The following ARFGEF3 variants were observed in gnomAD, a reference collection of about 807,000 sequenced individuals.
The protein encoded by ARFGEF3 is ARFGEF family member 3.
Under a neutral mutation model 221.7 loss-of-function variants are expected in ARFGEF3, and 96 were observed. The ratio of observed to expected loss-of-function variants is 0.43; its 90% confidence interval spans 0.37 to 0.51. The LOEUF is 0.51. Among genes scored for constraint, ARFGEF3 ranks in the 20% least tolerant of loss-of-function variants. ARFGEF3 has a pLI of 0.00. For missense variants in ARFGEF3, 2,410 were observed against 2,789.9 expected (o/e 0.86, Z 3.07); for synonymous variants, 1,145 against 1,126.8 (o/e 1.02, Z -0.32).
rs539082717 is a variant in ARFGEF3 at position 138,200,653 on chromosome 6, T to C, written c.138-6389T>C. Among the ~76,000 whole-genome samples, 3 of 152,250 alleles carry C rather than the reference T, an allele frequency of 2.0e-5. No individual in the cohort carries two copies. In the South Asian group the frequency reaches 6.2e-4, roughly 32 times the overall value. On this transcript the variant is annotated intron_variant, in intron 2 of 33. Transcript: ENST00000251691. ...GAGAATGAAACTGGATCCTCATCTC[T>C]CACCTTATACAAAAATCAACTCAAG...
chr6:138,265,135 C>T (rs552236087), intron 12 of ARFGEF3, among the ~76,000 whole-genome samples: 1 of 152,210 alleles, frequency 6.6e-6, no homozygotes, highest in South Asian at 2.1e-4. Context: ...GATCTCCTGA[C>T]CTTGTGATCC....
chr6:138,243,280 T>G (rs1778427407), intron 7 of ARFGEF3, among the ~76,000 whole-genome samples: 1 of 152,204 alleles, frequency 6.6e-6, no homozygotes, highest in African/African-American at 2.4e-5. Flanking sequence ...GTTAGTTACT[T>G]CATTCTCCAT....
At position 138,336,333 on chromosome 6, in the gene ARFGEF3, T is replaced by A. The variant is rs1238952463; in HGVS notation, c.6381T>A (p.Ile2127=). 1 of 1,605,488 alleles carries A rather than the reference T, an allele frequency of 6.2e-7. No individual in the cohort carries two copies. The highest frequency in any genetic ancestry group is 8.5e-7 in the Non-Finnish European group (1 of 1,176,372). The part of the protein sequence containing the change: ...TNMVLTVLNQ[I]QILPDQTFTA... Reference sequence around the variant, plus strand: ...TGGTGCTAACAGTTCTCAATCAGATTCAGATTCTCCCAGACCAGACCTTCA... The same window carrying A: ...TGGTGCTAACAGTTCTCAATCAGATACAGATTCTCCCAGACCAGACCTTCA... Residue 2127 remains isoleucine (I), a synonymous_variant, in exon 34 of 34, where the codon ATT becomes ATA. Coordinates refer to ENST00000251691, the MANE Select transcript of ARFGEF3 (RefSeq NM_020340.5).
At chr6:138,314,043 C>T (rs1341498620) in intron 26 of ARFGEF3, 104 bp downstream of exon 26, 1 of 1,147,808 alleles carries the variant, frequency 8.7e-7, no homozygotes, top group South Asian at 1.6e-5. Context: ...TTGTCTTAGT[C>T]CATTTTGTGC....
chr6:138,202,372 GA>G (rs1222134732), intron 2 of ARFGEF3, among the ~76,000 whole-genome samples: 1 of 151,504 alleles, frequency 6.6e-6, no homozygotes, highest in African/African-American at 2.4e-5. Context: ...ATCACTTTTA[GA>G]AAAAAAATGA....
intron 4 of ARFGEF3, among the ~76,000 whole-genome samples, chr6:138,221,708 C>G (rs2114519378): frequency 6.6e-6 from 1 of 152,150 alleles, no homozygotes; most frequent in South Asian, 2.1e-4. Flanking sequence ...ACAGTATTTC[C>G]TAGAATTCAG....
intron 26 of ARFGEF3, among the ~76,000 whole-genome samples, chr6:138,314,847 C>T (rs1393600161): frequency 6.6e-6 from 1 of 152,202 alleles, no homozygotes; most frequent in Non-Finnish European, 1.5e-5. Flanking sequence ...GAATGAGCAT[C>T]TATTTTTGTA....
chr6:138,231,030 G>A (rs115505497), intron 5 of ARFGEF3, among the ~76,000 whole-genome samples: 2,179 of 152,244 alleles, frequency 0.014, 58 homozygotes, highest in African/African-American at 0.049. Flanking sequence ...CACTGCCCCT[G>A]CTGATGGAAC....
intron 2 of ARFGEF3, among the ~76,000 whole-genome samples, chr6:138,190,242 T>A (rs1053901618): frequency 4.6e-5 from 7 of 152,066 alleles, no homozygotes; most frequent in Non-Finnish European, 1.0e-4. Context: ...TATTTAATGC[T>A]ATTACTAAAA....
intron 12 of ARFGEF3, among the ~76,000 whole-genome samples, chr6:138,264,041 A>G (rs760339729): frequency 6.6e-6 from 1 of 152,236 alleles, no homozygotes; most frequent in Non-Finnish European, 1.5e-5. Context: ...GTTGCACGCC[A>G]AGTCCTCCCA....
intron 14 of ARFGEF3, among the ~76,000 whole-genome samples, chr6:138,283,111 T>A (rs1779227550): frequency 6.6e-6 from 1 of 152,172 alleles, no homozygotes; most frequent in Non-Finnish European, 1.5e-5. Flanking sequence ...ATTTATTTAG[T>A]TTACCTAAAG....
intron 2 of ARFGEF3, among the ~76,000 whole-genome samples, chr6:138,181,284 C>T (rs368135175): frequency 2.1e-4 from 32 of 152,182 alleles, no homozygotes; most frequent in Middle Eastern, 3.4e-3. Context: ...AGGATGTGCA[C>T]GAATTATTAA....
chr6:138,257,413 A>T lies in ARFGEF3; in HGVS notation c.1104+1644A>T, dbSNP rs140077625. ...CAGTCCGATCAGGGGCTCTTCCTGTACCTGGAAGAAATGAGAGGAAGGGAG... is the reference window on the plus strand; with the variant it reads ...CAGTCCGATCAGGGGCTCTTCCTGTTCCTGGAAGAAATGAGAGGAAGGGAG... On this transcript the variant is annotated intron_variant, in intron 10 of 33. Coordinates refer to ENST00000251691, the MANE Select transcript of ARFGEF3 (RefSeq NM_020340.5). 1.2e-3 allele frequency among the ~76,000 whole-genome samples: 184 copies of T among 152,276 alleles called. 1 individual carries two copies. The highest frequency in any genetic ancestry group is 4.3e-3 in the African/African-American group (179 of 41,564).
chr6:138,298,580 G>T, intron 21 of ARFGEF3, 26 bp from the exon 22 acceptor site: 1 of 1,599,112 alleles, frequency 6.3e-7, no homozygotes, highest in Admixed American at 1.7e-5. Flanking sequence ...TCCTGATGGT[G>T]AGCCACTCTC....
Position 138,239,651 on chromosome 6 carries a change from G to T in ARFGEF3, c.543+1020G>T, listed in dbSNP as rs1389210091. On this transcript the variant is annotated intron_variant, in intron 6 of 33. Transcript: ENST00000251691. ...GGTGACTGAGTGAAACTCTGTCTCAGGAAAAAAAAAAAAAAAAAAGAAAGA... is the reference window on the plus strand; with the variant it reads ...GGTGACTGAGTGAAACTCTGTCTCATGAAAAAAAAAAAAAAAAAAGAAAGA... 3.9e-5 allele frequency among the ~76,000 whole-genome samples: 5 copies of T among 129,056 alleles called. No individual in the cohort carries two copies. The East Asian group carries it at 1.1e-3, about 28-fold the overall frequency. 84.7% of individuals were successfully genotyped at this position (129,056 alleles called of 152,430 possible).
rs994012466 is a variant in ARFGEF3, at chr6:138,248,426, G to A, written c.665+2835G>A. The stretch of plus-strand genomic sequence containing the variant: ...TCCTAGCATTGGCAGGGAATAGAAC[G>A]AAGACCACCAGAACTACAAAAAATA... On this transcript the variant is annotated intron_variant, in intron 8 of 33. Transcript: ENST00000251691. Among the ~76,000 whole-genome samples the A allele has an allele frequency of 3.9e-5, 6 of 152,200 alleles. No homozygotes were observed. The South Asian group carries it at 1.0e-3, about 26-fold the overall frequency.
At chr6:138,251,041 G>T (rs1778573316) in intron 8 of ARFGEF3, among the ~76,000 whole-genome samples, 1 of 152,156 alleles carries the variant, frequency 6.6e-6, no homozygotes, top group Non-Finnish European at 1.5e-5. Context: ...TCATGCATGG[G>T]CACGATCATC....
In ARFGEF3 at chr6:138,311,427, A is replaced by T; in HGVS notation, c.4117A>T (p.Ile1373Phe). 1 of 1,607,972 alleles carries T rather than the reference A, an allele frequency of 6.2e-7. No homozygotes were observed. Among genetic ancestry groups the T allele is most frequent in the Non-Finnish European group, 8.5e-7 (1 of 1,177,614 alleles). Residue 1373 changes from isoleucine to phenylalanine, a missense_variant, in exon 25 of 34, where the codon ATT (isoleucine) becomes TTT (phenylalanine). By Grantham distance (21) the Ile-to-Phe change is conservative (BLOSUM62 0). Around this residue, in one of 5 missense-constraint regions of ARFGEF3, gnomAD observed 723 missense variants for 991.9 expected, o/e 0.73. Transcript: ENST00000251691. ...CCTAGGGGAGGTGGACTGTAAAGAG[A>T]TTGGAGACTGTGCCCCAGCACCCGG... The part of the protein sequence containing the change: ...KGLGEVDCKE[I>F]GDCAPAPGAP...
At position 138,263,512 on chromosome 6, in the gene ARFGEF3, A is replaced by G. The variant is rs1778830803; in HGVS notation, c.2029A>G (p.Ile677Val). 1.9e-6 allele frequency: 3 copies of G among 1,613,770 alleles called. No individual in the cohort carries two copies. Among genetic ancestry groups the G allele is most frequent in the Non-Finnish European group, 2.5e-6 (3 of 1,179,878 alleles). ...GGATCAGCACAGCGCCAGGCTGTTC[A>G]TACAGTCCCTGGAAGGCCTCCTCCC... is the stretch of plus-strand genomic sequence containing the variant. ...EADQHSARLF[I>V]QSLEGLLPRL... Residue 677 changes from isoleucine to valine, a missense_variant, in exon 12 of 34, where the codon ATA becomes GTA. Physicochemically the swap from Ile to Val is conservative, Grantham distance 29. This residue lies in a region of ARFGEF3 where 594 missense variants were observed against 734.3 expected (regional missense o/e 0.81). Coordinates refer to ENST00000251691, the MANE Select transcript of ARFGEF3 (RefSeq NM_020340.5).
Sources: allele counts gnomAD v4.1 joint callset (sites outside exome capture counted in the v4.1 genomes callset), GRCh38; gene constraint gnomAD v4.1.1; regional missense constraint gnomAD v4.1.1; transcripts MANE v1.5; gene names NCBI Gene and HGNC (gene_info 2026-07-23, HGNC 2026-07-21).